Variants in ZNF682 observed in about 807,000 individuals in gnomAD.
ZNF682 encodes the protein zinc finger protein 682.
Under a neutral mutation model 36.5 loss-of-function variants are expected in ZNF682, and 29 were observed. The ratio of observed to expected loss-of-function variants is 0.80; its 90% CI spans 0.59 to 1.08. The LOEUF is 1.08. Ranked by LOEUF, ZNF682 falls within the 50% of genes least tolerant of loss-of-function variation. The pLI is 0.00. For missense variants in ZNF682, 561 were observed against 579.7 expected (o/e 0.97, Z 0.33); for synonymous variants, 180 against 197.0 (o/e 0.91, Z 0.72).
chr19:20,008,775 A>G (rs566116005), intron 3 of ZNF682, among the ~76,000 whole-genome samples: 11 of 152,178 alleles, frequency 7.2e-5, no homozygotes, highest in African/African-American at 2.6e-4. Flanking sequence ...AAAGAAAATA[A>G]TCTCTCACAC....
At chr19:20,038,039 T>C (rs1182283350) in intron 1 of ZNF682, among the ~76,000 whole-genome samples, 1 of 152,176 alleles carries the variant, frequency 6.6e-6, no homozygotes, top group Admixed American at 6.5e-5. Context: ...GGGCATCTCA[T>C]GTCATCCCCA....
In ZNF682 at chr19:20,005,817, T is replaced by C; in HGVS notation, c.*188A>G. The stretch of plus-strand genomic sequence containing the variant: ...TTTGCCACATTCTTTAAAATCAGAA[T>C]TTTTCTCAGCATGAATTTTCTTCTG... On this transcript the variant is annotated 3_prime_UTR_variant, in exon 4 of 4. Coordinates refer to ENST00000397165, the MANE Select transcript of ZNF682 (RefSeq NM_033196.3). The C allele has an allele frequency of 1.7e-6, 1 of 596,142 alleles. No individual in the cohort carries two copies. The highest frequency in any genetic ancestry group is 2.8e-6 in the Non-Finnish European group (1 of 356,246). 36.9% of individuals were successfully genotyped at this position (596,142 alleles called of 1,614,324 possible).
intron 1 of ZNF682, among the ~76,000 whole-genome samples, chr19:20,038,230 G>A (rs1306002117): frequency 1.3e-5 from 2 of 151,756 alleles, no homozygotes; most frequent in Non-Finnish European, 1.5e-5. Context: ...TTTTTTCATG[G>A]TGGAGTGTTG....
chr19:20,010,913 C>T (rs879552316), intron 3 of ZNF682, among the ~76,000 whole-genome samples: 23 of 151,696 alleles, frequency 1.5e-4, no homozygotes, highest in Non-Finnish European at 2.4e-4. Context: ...TGCAGTAAGC[C>T]GAGATCGTGC....
rs1191373487 is a variant in ZNF682 at position 20,005,361 on chromosome 19, C to G, written c.*644G>C. ...TATAAGTGTGAGCCACCGCGCCCGG[C>G]CTTAAACTAGTGTTTTCTAAGGTGT... On this transcript the variant is annotated 3_prime_UTR_variant, in exon 4 of 4. Coordinates refer to ENST00000397165, the MANE Select transcript of ZNF682 (RefSeq NM_033196.3). 6.6e-6 allele frequency: 1 copy of G among 152,196 alleles called. No individual in the cohort carries two copies. Among genetic ancestry groups the G allele is most frequent in the African/African-American group, 2.4e-5 (1 of 41,398 alleles). The allele number at this position is 152,196 out of a possible 1,614,324, so 9.4% of individuals were successfully genotyped here.
intron 1 of ZNF682, among the ~76,000 whole-genome samples, chr19:20,028,014 TA>T (rs2088447162): frequency 6.6e-6 from 1 of 152,108 alleles, no homozygotes; most frequent in Admixed American, 6.6e-5. Context: ...GACACTTAAT[TA>T]AAACAATATG....
intron 3 of ZNF682, among the ~76,000 whole-genome samples, chr19:20,011,384 C>T (rs1478577209): frequency 6.6e-6 from 1 of 152,160 alleles, no homozygotes; most frequent in Non-Finnish European, 1.5e-5. Flanking sequence ...CGGAAGACAA[C>T]ACCTTACAGA....
chr19:20,014,640 C>T (rs1310792825), intron 3 of ZNF682, among the ~76,000 whole-genome samples: 15 of 150,686 alleles, frequency 1.0e-4, no homozygotes, highest in South Asian at 6.3e-4. Flanking sequence ...ATTAGCCAGG[C>T]GTGGTGGCAC....
At chr19:19,996,482 C>A (rs1330958070), downstream of ZNF682, among the ~76,000 whole-genome samples, 11 of 152,142 alleles carry the variant, frequency 7.2e-5, no homozygotes, top group African/African-American at 1.9e-4. Context: ...ACAGGTATAC[C>A]ATGGAATACT....
At chr19:20,015,445 T>C (rs2088326584) in intron 3 of ZNF682, 3 of 979,656 alleles carry the variant, frequency 3.1e-6, no homozygotes, top group African/African-American at 1.8e-5. Context: ...AGCTGAATAC[T>C]GTCATACAAA....
At chr19:20,002,806 A>G (rs2088177493), downstream of ZNF682, among the ~76,000 whole-genome samples, 1 of 152,128 alleles carries the variant, frequency 6.6e-6, no homozygotes, top group Non-Finnish European at 1.5e-5. Flanking sequence ...AAAGAAACAA[A>G]CACTACCATG....
intron 1 of ZNF682, among the ~76,000 whole-genome samples, chr19:20,037,581 T>C (rs796718078): frequency 1.3e-5 from 1 of 77,594 alleles, no homozygotes; most frequent in Non-Finnish European, 2.8e-5. Flanking sequence ...CATTCTATCA[T>C]TTGGGACATT....
At chr19:20,022,650 C>T (rs117496541) in intron 3 of ZNF682, among the ~76,000 whole-genome samples, 33,337 of 151,558 alleles carry the variant, frequency 0.22, 4,151 homozygotes, top group African/African-American at 0.34. Flanking sequence ...GCAACACGAG[C>T]GAAACTCTCT....
Position 20,005,768 on chromosome 19 carries a change from A to T in ZNF682, c.*237T>A. ...ATCTAGCACAAAACCTCTGATGAGT[A>T]AGTTCATAGTAGTTATTAAATGCTT... is the stretch of plus-strand genomic sequence containing the variant. On this transcript the variant is annotated 3_prime_UTR_variant, in exon 4 of 4. Transcript: ENST00000397165. 1 of 502,014 alleles carries T rather than the reference A, an allele frequency of 2.0e-6. No individual in the cohort carries two copies. Among genetic ancestry groups the T allele is most frequent in the Non-Finnish European group, 3.5e-6 (1 of 286,066 alleles). The allele number at this position is 502,014 out of a possible 1,614,324, so 31.1% of individuals were successfully genotyped here.
At chr19:20,003,190 CAAAAAAAAAAAAA>C (rs755953644), downstream of ZNF682, among the ~76,000 whole-genome samples, 49 of 33,088 alleles carry the variant, frequency 1.5e-3, no homozygotes, top group Non-Finnish European at 2.1e-3. Context: ...GACTCCGTCT[CAAAAAAAAAAAAA>C]AAAAAAAAAA....
intron 1 of ZNF682, among the ~76,000 whole-genome samples, chr19:20,037,517 A>C (rs556475678): frequency 2.3e-4 from 35 of 152,348 alleles, no homozygotes; most frequent in African/African-American, 8.2e-4. Context: ...AAACTCAGGA[A>C]GCGGCAATAC....
chr19:20,032,773 T>C (rs564571095), intron 1 of ZNF682, among the ~76,000 whole-genome samples: 3 of 152,318 alleles, frequency 2.0e-5, no homozygotes, highest in South Asian at 4.1e-4. Flanking sequence ...AAGAAGGTTG[T>C]CATAATTAGT....
chr19:20,039,087 C>G (rs2122403233), intron 1 of ZNF682: 1 of 1,334,620 alleles, frequency 7.5e-7, no homozygotes, highest in East Asian at 2.6e-5. Context: ...CGCAAGAACG[C>G]GCGCGGCTCT....
At position 20,023,367 on chromosome 19, in the gene ZNF682, C is replaced by T. The variant is rs112547797; in HGVS notation, c.131-268G>A. Among the ~76,000 whole-genome samples, 915 of 151,772 alleles carry T rather than the reference C, an allele frequency of 6.0e-3. 11 individuals are homozygous for T. The highest frequency in any genetic ancestry group is 0.021 in the African/African-American group (853 of 41,390). ...CAAAAATGAGCAAGGTGTGGTGGCA[C>T]GTGCCTGTAATCCCAGCTGCTTGGG... On this transcript the variant is annotated intron_variant, in intron 2 of 3. Transcript: ENST00000397165.
Sources: allele counts gnomAD v4.1 joint callset (sites outside exome capture counted in the v4.1 genomes callset), GRCh38; gene constraint gnomAD v4.1.1; transcripts MANE v1.5; gene names NCBI Gene and HGNC (gene_info 2026-07-23, HGNC 2026-07-21).